TMEM243: variants seen among roughly 807,000 people sequenced by gnomAD.
The protein encoded by TMEM243 is MDR1 and mitochondrial taxol resistance associated.
A neutral mutation model predicts 15.0 loss-of-function variants in TMEM243; 20 were observed. That is an observed-to-expected ratio of 1.33 (90% CI 0.94 to 1.93). The LOEUF (loss-of-function observed/expected upper bound fraction) is 1.93. Among genes scored for constraint, TMEM243 ranks in the 30% most tolerant of loss-of-function variants. The probability of loss-of-function intolerance (pLI) is 0.00; values close to 1 mark genes in which losing one functional copy is unlikely to be tolerated. For missense variants in TMEM243, 156 were observed against 142.1 expected, an observed-to-expected ratio of 1.10 and a Z score of -0.50; for synonymous variants, 72 against 52.7, an observed-to-expected ratio of 1.37 and a Z score of -1.59.
intron 1 of TMEM243, among the ~76,000 whole-genome samples, chr7:87,210,595 T>C (rs943954272): frequency 2.6e-5 from 4 of 152,208 alleles, no homozygotes; most frequent in Non-Finnish European, 2.9e-5. Context: ...AGCAGGGCAG[T>C]CATTAAGTCT....
At chr7:87,218,191 A>G (rs1362267359) in intron 1 of TMEM243, among the ~76,000 whole-genome samples, 1 of 152,210 alleles carries the variant, frequency 6.6e-6, no homozygotes, top group Non-Finnish European at 1.5e-5. Flanking sequence ...CCCAGGGCCA[A>G]GTACATAATG....
upstream of TMEM243, chr7:87,220,562 T>C (rs1187253347): frequency 6.6e-6 from 1 of 152,258 alleles, no homozygotes; most frequent in East Asian, 1.9e-4. Context: ...CCGGACCCGC[T>C]GCCTCCGTCG....
At chr7:87,197,359 A>G (rs1801379998) in intron 3 of TMEM243, among the ~76,000 whole-genome samples, 1 of 152,082 alleles carries the variant, frequency 6.6e-6, no homozygotes, top group Non-Finnish European at 1.5e-5. Context: ...AGGAACATGA[A>G]ACAATGTAGC....
intron 1 of TMEM243, among the ~76,000 whole-genome samples, chr7:87,200,765 C>T (rs1801741200): frequency 6.6e-6 from 1 of 152,126 alleles, no homozygotes; most frequent in South Asian, 2.1e-4. Context: ...GATCTCAATA[C>T]CATTAAGTGA....
In TMEM243 at chr7:87,219,689, C is replaced by G. The variant is rs923632934; in HGVS notation, c.-186G>C. 5 of 598,222 alleles carry G rather than the reference C, an allele frequency of 8.4e-6. No homozygotes were observed. In the Admixed American group the frequency reaches 9.0e-5, roughly 11 times the overall value. 37.1% of individuals were successfully genotyped at this position (598,222 alleles called of 1,614,324 possible). On this transcript the variant is annotated 5_prime_UTR_variant, in exon 1 of 4. Coordinates refer to ENST00000257637, the MANE Select transcript of TMEM243 (RefSeq NM_024315.4). ...CGCGGGGAACGCGACTGCTCCGCCC[C>G]GGCCCCGCGCACCTCCTCATCTTGA...
intron 1 of TMEM243, chr7:87,216,814 C>A (rs917882865): frequency 6.6e-6 from 1 of 152,192 alleles, no homozygotes; most frequent in East Asian, 1.9e-4. Context: ...GTCTGGAGCA[C>A]TTTGAGAAGC....
chr7:87,197,626 A>G, intron 3 of TMEM243: 1 of 886,752 alleles, frequency 1.1e-6, no homozygotes, highest in Non-Finnish European at 1.6e-6. Flanking sequence ...GCCCTTACGT[A>G]GTCCTTGAGT....
chr7:87,196,857 G>T, intron 3 of TMEM243, 99 bp from the exon 4 acceptor site: 1 of 805,336 alleles, frequency 1.2e-6, no homozygotes, highest in Non-Finnish European at 1.9e-6. Context: ...CCCTAAATGA[G>T]ACAGACATTC....
Position 87,196,720 on chromosome 7 carries a change from A to G in TMEM243, c.273T>C (p.Phe91=), listed in dbSNP as rs1206794598. ...WYRQGDLEPK[F]RKLIYYIIFS... ...ATATGATATAGTAAATTAGCTTTCT[A>G]AATTTCGGTTCTAAGTCTCCTTGTC... The change falls in exon 4 of 4, where the codon TTT becomes TTC. Residue 91 remains phenylalanine (F), a synonymous_variant. Transcript: ENST00000257637. The G allele has an allele frequency of 1.2e-6, 2 of 1,606,704 alleles. No individual in the cohort carries two copies. Among genetic ancestry groups the G allele is most frequent in the Admixed American group, 3.4e-5 (2 of 59,434 alleles).
intron 1 of TMEM243, among the ~76,000 whole-genome samples, chr7:87,203,702 G>A (rs1302039765): frequency 2.0e-5 from 3 of 151,770 alleles, no homozygotes; most frequent in Non-Finnish European, 4.4e-5. Flanking sequence ...AAGTACAACA[G>A]AATTTTAAGT....
At chr7:87,210,493 G>T (rs901635167) in intron 1 of TMEM243, among the ~76,000 whole-genome samples, 2 of 152,242 alleles carry the variant, frequency 1.3e-5, no homozygotes, top group Non-Finnish European at 2.9e-5. Context: ...AGATACAATG[G>T]GGGTTACAGG....
At chr7:87,198,505 T>A (rs1360554850) in intron 2 of TMEM243, 2 of 168,136 alleles carry the variant, frequency 1.2e-5, no homozygotes, top group Non-Finnish European at 2.5e-5. Context: ...TAAGAAGCCA[T>A]GGAAAAAAAT....
rs1801606537 is a variant in TMEM243, at chr7:87,199,207, G to C, written c.79-150C>G. On this transcript the variant is annotated intron_variant, in intron 1 of 3. Transcript: ENST00000257637. ...ACATAAAACTACCAGACAAAGCAAA[G>C]TGTACTGAACCATAAGAGTGGAAAA... The C allele has an allele frequency of 1.8e-5, 11 of 596,012 alleles. No individual in the cohort carries two copies. The highest frequency in any genetic ancestry group is 5.7e-6 in the Non-Finnish European group (2 of 350,044). The allele number at this position is 596,012 out of a possible 1,614,324, so 36.9% of individuals were successfully genotyped here.
chr7:87,208,122 C>T (rs577183600), intron 1 of TMEM243, among the ~76,000 whole-genome samples: 1 of 152,342 alleles, frequency 6.6e-6, no homozygotes, highest in African/African-American at 2.4e-5. Context: ...CCTCCCAAAT[C>T]TCATGTCCTC....
intron 1 of TMEM243, among the ~76,000 whole-genome samples, chr7:87,213,294 C>T (rs547058575): frequency 1.3e-5 from 2 of 152,228 alleles, no homozygotes; most frequent in East Asian, 3.9e-4. Context: ...ACTTAGAGTA[C>T]TAAAGAAAAA....
chr7:87,214,968 A>T (rs776882790), intron 1 of TMEM243, among the ~76,000 whole-genome samples: 19 of 152,006 alleles, frequency 1.2e-4, no homozygotes, highest in Non-Finnish European at 1.3e-4. Context: ...GGAAATTCCC[A>T]CTTGTAGCAT....
chr7:87,219,892 A>C (rs1803391998), upstream of TMEM243, among the ~76,000 whole-genome samples: 1 of 152,176 alleles, frequency 6.6e-6, no homozygotes, highest in Admixed American at 6.5e-5. Context: ...AGCACAGCAA[A>C]TCGCAGTCCC....
At chr7:87,206,758 T>G (rs1394489993) in intron 1 of TMEM243, among the ~76,000 whole-genome samples, 1 of 152,246 alleles carries the variant, frequency 6.6e-6, no homozygotes, top group East Asian at 1.9e-4. Flanking sequence ...AAAGTGAAGC[T>G]GTGAATTAGT....
intron 1 of TMEM243, among the ~76,000 whole-genome samples, chr7:87,209,514 CAG>C (rs1331441290): frequency 1.1e-5 from 1 of 91,294 alleles, no homozygotes; most frequent in Non-Finnish European, 2.2e-5. Flanking sequence ...GTGAGAAAGA[CAG>C]TGAGAGAGAG....
Sources: gnomAD v4.1 joint callset for allele counts (sites outside exome capture counted in the v4.1 genomes callset) on GRCh38, gnomAD v4.1.1 for gene constraint, MANE v1.5 for transcripts, NCBI Gene and HGNC (gene_info 2026-07-23, HGNC 2026-07-21) for gene names.